Variants in COL5A2 observed in about 807,000 individuals in gnomAD.
The protein encoded by COL5A2 is collagen alpha-2(V) chain.
In COL5A2, 23 loss-of-function variants were observed where a neutral mutation model predicts 208.2. The ratio of observed to expected loss-of-function variants is 0.11; its 90% CI spans 0.08 to 0.16. COL5A2 has a LOEUF of 0.16. COL5A2 is among the 10% of genes least tolerant of loss of function. The probability of loss-of-function intolerance (pLI) is 1.00; values close to 1 mark genes in which losing one functional copy is unlikely to be tolerated. For missense variants in COL5A2, 1,590 were observed against 1,956.4 expected (o/e 0.81, Z 3.53); for synonymous variants, 625 against 628.5 (o/e 0.99, Z 0.08).
chr2:189,216,985 A>G (rs1305641099), intron 1 of COL5A2, among the ~76,000 whole-genome samples: 2 of 152,162 alleles, frequency 1.3e-5, no homozygotes, highest in Admixed American at 6.6e-5. Flanking sequence ...AAAAGAGGAT[A>G]AAAAAGAGAG....
At chr2:189,438,162 C>A in the COL5A2 span, among the ~76,000 whole-genome samples, 1 of 150,926 alleles carries the variant, frequency 6.6e-6, no homozygotes, top group Non-Finnish European at 1.5e-5. Context: ...AATGAAATAC[C>A]ACTACAAACT....
intron 1 of COL5A2, among the ~76,000 whole-genome samples, chr2:189,150,314 A>T (rs1278131854): frequency 6.6e-6 from 1 of 152,212 alleles, no homozygotes; most frequent in Non-Finnish European, 1.5e-5. Context: ...ATGACAATCA[A>T]CTGAGCACAC....
chr2:189,058,431 T>G lies in COL5A2; in HGVS notation c.2227A>C (p.Lys743Gln). 6.2e-7 allele frequency: 1 copy of G among 1,613,058 alleles called. No homozygotes were observed. Among genetic ancestry groups the G allele is most frequent in the Non-Finnish European group, 8.5e-7 (1 of 1,179,016 alleles). The change falls in exon 33 of 54, where the codon AAA becomes CAA. Residue 743 changes from lysine (K) to glutamine (Q), a missense_variant and splice_region_variant. Coordinates refer to ENST00000374866, the MANE Select transcript of COL5A2 (RefSeq NM_000393.5). ...ACTGAGATCACTATGACACTTACTT[T>G]TGGGCCATCAGGACCATGTCCTCCA... ...MAGGHGPDGP[K>Q]GSPGPSGTPG... is the part of the protein sequence containing the mutation.
In COL5A2 at chr2:189,092,567, C is replaced by T; in HGVS notation, c.457-147G>A. On this transcript the variant is annotated intron_variant, in intron 6 of 53. Transcript: ENST00000374866. ...AGCCACTTAGAGTAATTTCATCAGC[C>T]ATGTCACTACTGATTTCAGCATAGG... 4.4e-6 allele frequency: 3 copies of T among 689,500 alleles called. No individual in the cohort carries two copies. The South Asian group carries it at 4.9e-5, about 11-fold the overall frequency. The allele number at this position is 689,500 out of a possible 1,614,324, so 42.7% of individuals were successfully genotyped here. A position where few individuals can be genotyped will look rare whatever the true frequency, so the allele number is the denominator to read the frequency against.
chr2:189,197,308 A>G (rs1395312119), intron 1 of COL5A2, among the ~76,000 whole-genome samples: 2 of 152,122 alleles, frequency 1.3e-5, no homozygotes, highest in Non-Finnish European at 2.9e-5. Flanking sequence ...TGGGAGAGAG[A>G]GCATTAGGAC....
chr2:189,294,598 T>C, the COL5A2 span, among the ~76,000 whole-genome samples: 1 of 152,226 alleles, frequency 6.6e-6, no homozygotes, highest in South Asian at 2.1e-4. Flanking sequence ...AAGTAGAACA[T>C]ACTCATAAAA....
intron 1 of COL5A2, among the ~76,000 whole-genome samples, chr2:189,148,545 T>C (rs958733741): frequency 5.3e-5 from 8 of 152,012 alleles, no homozygotes; most frequent in African/African-American, 1.9e-4. Flanking sequence ...ACTTAAAAGA[T>C]GTAAAAAGAG....
chr2:189,425,813 C>G, the COL5A2 span, among the ~76,000 whole-genome samples: 1 of 152,108 alleles, frequency 6.6e-6, no homozygotes, highest in Non-Finnish European at 1.5e-5. Flanking sequence ...CACCTCCCTC[C>G]CATTCTTGGT....
intron 1 of COL5A2, among the ~76,000 whole-genome samples, chr2:189,148,624 T>A (rs1466998159): frequency 6.6e-6 from 1 of 152,208 alleles, no homozygotes; most frequent in Admixed American, 6.5e-5. Context: ...CAATAGGGTG[T>A]CAGAAAATTA....
chr2:189,355,986 T>C, the COL5A2 span, among the ~76,000 whole-genome samples: 1 of 152,310 alleles, frequency 6.6e-6, no homozygotes, highest in African/African-American at 2.4e-5. Context: ...TGACAAAATC[T>C]CTCAGCATTT....
chr2:189,251,670 A>C, the COL5A2 span, among the ~76,000 whole-genome samples: 11 of 151,640 alleles, frequency 7.3e-5, no homozygotes, highest in East Asian at 1.7e-3. Flanking sequence ...AAAAAAAAAA[A>C]CATTTTAAAA....
the COL5A2 span, among the ~76,000 whole-genome samples, chr2:189,378,257 T>C: frequency 6.6e-6 from 1 of 152,234 alleles, no homozygotes; most frequent in Non-Finnish European, 1.5e-5. Context: ...AAAACGCATA[T>C]AATAAAATAT....
At chr2:189,124,186 T>C (rs79912518) in intron 1 of COL5A2, among the ~76,000 whole-genome samples, 2,144 of 152,248 alleles carry the variant, frequency 0.014, 37 homozygotes, top group East Asian at 0.11. Flanking sequence ...TATACTAAGA[T>C]TGCGAACCCC....
At chr2:189,057,155 C>T in intron 34 of COL5A2, 129 bp from the exon 35 acceptor site, 1 of 1,129,110 alleles carries the variant, frequency 8.9e-7, no homozygotes, top group South Asian at 1.2e-5. Context: ...GGGATGGTGC[C>T]TCACACTGTG....
At chr2:189,239,660 C>T in the COL5A2 span, among the ~76,000 whole-genome samples, 1 of 150,262 alleles carries the variant, frequency 6.7e-6, no homozygotes, top group Non-Finnish European at 1.5e-5. Flanking sequence ...GGGAGATATA[C>T]CTAATGCTAA....
At chr2:189,091,744 C>G (rs908583990) in intron 7 of COL5A2, among the ~76,000 whole-genome samples, 1 of 152,134 alleles carries the variant, frequency 6.6e-6, no homozygotes, top group Admixed American at 6.5e-5. Context: ...CACAATATCT[C>G]CATGGTTTGC....
intron 16 of COL5A2, among the ~76,000 whole-genome samples, chr2:189,077,786 A>C (rs6434320): frequency 6.6e-6 from 1 of 152,014 alleles, no homozygotes. Flanking sequence ...AGGTAATAGC[A>C]GAGACAGTGT....
intron 1 of COL5A2, among the ~76,000 whole-genome samples, chr2:189,157,474 T>C (rs1688277221): frequency 1.3e-5 from 2 of 151,976 alleles, no homozygotes; most frequent in Non-Finnish European, 2.9e-5. Flanking sequence ...TTTCATCATA[T>C]ATCTTCAACA....
chr2:189,338,926 T>G, the COL5A2 span, among the ~76,000 whole-genome samples: 3 of 152,044 alleles, frequency 2.0e-5, no homozygotes, highest in African/African-American at 7.2e-5. Flanking sequence ...AAACTTGCTA[T>G]CTTTAAAAAA....
Sources: allele counts gnomAD v4.1 joint callset (sites outside exome capture counted in the v4.1 genomes callset), GRCh38; gene constraint gnomAD v4.1.1; transcripts MANE v1.5; gene names NCBI Gene and HGNC (gene_info 2026-07-23, HGNC 2026-07-21).